SPRED1: variants seen among roughly 807,000 people sequenced by gnomAD.
The protein encoded by SPRED1 is sprouty-related, EVH1 domain-containing protein 1.
Under a neutral mutation model 52.3 loss-of-function variants are expected in SPRED1, and 18 were observed. That is an observed-to-expected ratio of 0.34 (90% confidence interval 0.24 to 0.51). The LOEUF (loss-of-function observed/expected upper bound fraction) is 0.51. Ranked by LOEUF, SPRED1 falls within the 20% of genes least tolerant of loss-of-function variation. The pLI, the probability that SPRED1 is intolerant of heterozygous loss-of-function variation, is 0.97. For synonymous variants in SPRED1, 155 were observed against 179.7 expected (o/e 0.86, Z 1.10); for missense variants, 485 against 551.0 (o/e 0.88, Z 1.20).
At chr15:38,284,588 G>C (rs1016233547) in intron 1 of SPRED1, among the ~76,000 whole-genome samples, 1 of 152,080 alleles carries the variant, frequency 6.6e-6, no homozygotes, top group African/African-American at 2.4e-5. Flanking sequence ...TTTAGTGGAA[G>C]TTTTAAGTGG....
rs116632870 is a variant in SPRED1, at chr15:38,325,275, A to G, written c.423+466A>G. Among the ~76,000 whole-genome samples, 634 of 152,356 alleles carry G rather than the reference A, an allele frequency of 4.2e-3. 4 individuals carry two copies. The highest frequency in any genetic ancestry group is 0.015 in the African/African-American group (614 of 41,588). ...ATTATTTAAAATCATGTATAAAATT[A>G]CCTTCAGCCTGTGTGTTATAAGGTG... is the stretch of plus-strand genomic sequence containing the variant. On this transcript the variant is annotated intron_variant, in intron 4 of 6. Transcript: ENST00000299084.
chr15:38,261,384 T>C (rs942714027), intron 1 of SPRED1, among the ~76,000 whole-genome samples: 1 of 152,196 alleles, frequency 6.6e-6, no homozygotes, highest in Non-Finnish European at 1.5e-5. Context: ...CTGGTGGAAA[T>C]TGCCTTGTGT....
intron 2 of SPRED1, among the ~76,000 whole-genome samples, chr15:38,310,115 T>TTGTG (rs767218956): frequency 0.037 from 858 of 23,174 alleles, 17 homozygotes; most frequent in African/African-American, 0.087. Flanking sequence ...AGACTATTCT[T>TTGTG]TGTGTGTGTG....
At chr15:38,262,014 T>TTTTA (rs4008070) in intron 1 of SPRED1, among the ~76,000 whole-genome samples, 1 of 150,584 alleles carries the variant, frequency 6.6e-6, no homozygotes, top group African/African-American at 2.4e-5. Context: ...TTTTTTTTTT[T>TTTTA]ACTGTTTTAT....
intron 1 of SPRED1, among the ~76,000 whole-genome samples, chr15:38,263,820 C>A (rs1173050022): frequency 7.9e-5 from 12 of 152,118 alleles, no homozygotes; most frequent in Admixed American, 6.5e-4. Flanking sequence ...CTAAAAAAAA[C>A]GAATCACAAA....
intron 1 of SPRED1, among the ~76,000 whole-genome samples, chr15:38,273,141 G>A (rs755618533): frequency 6.6e-6 from 1 of 152,058 alleles, no homozygotes; most frequent in Non-Finnish European, 1.5e-5. Flanking sequence ...TTTCTTCTAC[G>A]ATTCTTATAG....
chr15:38,351,591 T>G lies in SPRED1; in HGVS notation c.1262T>G (p.Val421Gly). The G allele has an allele frequency of 6.2e-7, 1 of 1,614,126 alleles. No individual in the cohort carries two copies. The highest frequency in any genetic ancestry group is 8.5e-7 in the Non-Finnish European group (1 of 1,180,002). The change falls in exon 7 of 7, where the codon GTC (valine) becomes GGC (glycine). Residue 421 changes from valine (V) to glycine (G), a missense_variant. Val to Gly is a moderately radical substitution (Grantham distance 109). This residue lies in a region of SPRED1 where 205 missense variants were observed against 245.2 expected (regional missense o/e 0.84). Coordinates refer to ENST00000299084, the MANE Select transcript of SPRED1 (RefSeq NM_152594.3). The part of the protein sequence containing the change: ...SFIVPCMCCY[V>G]PLRMCHRCGE... The stretch of plus-strand genomic sequence containing the variant: ...ATTGTACCATGTATGTGCTGCTACG[T>G]CCCTTTGAGAATGTGCCATCGCTGT...
rs374233527 is a variant in SPRED1, at chr15:38,253,256, C to T, written c.32+39C>T. On this transcript the variant is annotated intron_variant, in intron 1 of 6. Transcript: ENST00000299084. ...TGATCTCGATTGCTAATCCCCCTCC[C>T]CCTATCCGCCCTCGGCTCTCCCCCA... 81 of 1,552,770 alleles carry T rather than the reference C, an allele frequency of 5.2e-5. No individual in the cohort carries two copies. The Middle Eastern group carries it at 2.8e-3, about 54-fold the overall frequency.
At chr15:38,315,342 A>G (rs1303784438) in intron 2 of SPRED1, among the ~76,000 whole-genome samples, 1 of 151,956 alleles carries the variant, frequency 6.6e-6, no homozygotes, top group African/African-American at 2.4e-5. Context: ...TAGCAACTAC[A>G]ATGTAGTACT....
chr15:38,271,307 A>T (rs1259049557), intron 1 of SPRED1, among the ~76,000 whole-genome samples: 1 of 152,212 alleles, frequency 6.6e-6, no homozygotes, highest in East Asian at 1.9e-4. Flanking sequence ...GCAGACCCTA[A>T]AGGATCAATC....
At position 38,354,193 on chromosome 15, in the gene SPRED1, G is replaced by A. The variant is rs1287228964; in HGVS notation, c.*2529G>A. 1.3e-5 allele frequency: 2 copies of A among 152,178 alleles called. No individual in the cohort carries two copies. Among genetic ancestry groups the A allele is most frequent in the African/African-American group, 4.8e-5 (2 of 41,442 alleles). 9.4% of individuals were successfully genotyped at this position (152,178 alleles called of 1,614,324 possible). On this transcript the variant is annotated 3_prime_UTR_variant, in exon 7 of 7. Transcript: ENST00000299084. ...AGTAAATGAGAATTCCTTTGTGAAA[G>A]CAAATGGGTAGTTTAAATCACTGAT...
At chr15:38,334,031 T>C (rs1032328836) in intron 4 of SPRED1, among the ~76,000 whole-genome samples, 3 of 152,034 alleles carry the variant, frequency 2.0e-5, no homozygotes, top group African/African-American at 7.2e-5. Context: ...CCATGTAAAG[T>C]AGTTGAGACT....
intron 4 of SPRED1, among the ~76,000 whole-genome samples, chr15:38,325,554 A>G (rs1465899446): frequency 6.6e-6 from 1 of 152,088 alleles, no homozygotes; most frequent in Admixed American, 6.5e-5. Flanking sequence ...TGCAGTCATG[A>G]GAAGGCCGAA....
intron 1 of SPRED1, among the ~76,000 whole-genome samples, chr15:38,297,843 T>G (rs914882573): frequency 6.6e-6 from 1 of 152,168 alleles, no homozygotes; most frequent in African/African-American, 2.4e-5. Context: ...ACACGTAAGT[T>G]TGAGGCACAG....
chr15:38,261,196 T>C (rs966311143), intron 1 of SPRED1, among the ~76,000 whole-genome samples: 2 of 152,356 alleles, frequency 1.3e-5, no homozygotes, highest in African/African-American at 4.8e-5. Context: ...TTCATAAATA[T>C]AGAGACAAAT....
At chr15:38,291,117 GT>G (rs1433428252) in intron 1 of SPRED1, among the ~76,000 whole-genome samples, 5 of 152,138 alleles carry the variant, frequency 3.3e-5, no homozygotes, top group Non-Finnish European at 7.3e-5. Context: ...GCCATTCCAA[GT>G]GGAATAAATT....
chr15:38,307,887 T>C (rs1000236336), intron 2 of SPRED1, among the ~76,000 whole-genome samples: 98 of 152,306 alleles, frequency 6.4e-4, no homozygotes, highest in African/African-American at 2.2e-3. Context: ...TTTCTTAGGG[T>C]TATAAAAATG....
At chr15:38,266,529 C>G (rs560656987) in intron 1 of SPRED1, among the ~76,000 whole-genome samples, 7 of 152,152 alleles carry the variant, frequency 4.6e-5, no homozygotes, top group African/African-American at 1.7e-4. Flanking sequence ...GTAGTCCCAG[C>G]TACTCGGGAG....
intron 2 of SPRED1, among the ~76,000 whole-genome samples, chr15:38,307,694 T>TA (rs1555390116): frequency 6.6e-6 from 1 of 152,188 alleles, no homozygotes; most frequent in Non-Finnish European, 1.5e-5. Context: ...AGTAGTATTC[T>TA]ATGATATGCA....
Sources: gnomAD v4.1 joint callset for allele counts (sites outside exome capture counted in the v4.1 genomes callset) on GRCh38, gnomAD v4.1.1 for gene constraint, gnomAD v4.1.1 regional missense constraint, MANE v1.5 for transcripts, NCBI Gene and HGNC (gene_info 2026-07-23, HGNC 2026-07-21) for gene names.